ZNF438: variants seen among roughly 807,000 people sequenced by gnomAD.
The protein encoded by ZNF438 is zinc finger protein 438.
In ZNF438, 25 loss-of-function variants were observed where a neutral mutation model predicts 38.0. The ratio of observed to expected loss-of-function variants is 0.66; its 90% confidence interval spans 0.48 to 0.92. ZNF438 has a LOEUF of 0.92. Among genes scored for constraint, ZNF438 ranks in the 40% least tolerant of loss-of-function variants. ZNF438 has a pLI of 0.00. For synonymous variants in ZNF438, 372 were observed against 364.1 expected, an observed-to-expected ratio of 1.02 and a Z score of -0.25; for missense variants, 1,007 against 999.6, an observed-to-expected ratio of 1.01 and a Z score of -0.10.
chr10:30,939,992 T>C (rs751337981), intron 2 of ZNF438, among the ~76,000 whole-genome samples: 1 of 152,184 alleles, frequency 6.6e-6, no homozygotes, highest in African/African-American at 2.4e-5. Context: ...TGGAATACAG[T>C]GCATTTCTTG....
intron 2 of ZNF438, among the ~76,000 whole-genome samples, chr10:30,911,003 T>C (rs1049471146): frequency 6.6e-5 from 10 of 152,086 alleles, no homozygotes; most frequent in Non-Finnish European, 1.3e-4. Flanking sequence ...GAAAAATAAA[T>C]ACATATAATG....
intron 3 of ZNF438, among the ~76,000 whole-genome samples, chr10:30,899,238 A>C (rs188404047): frequency 1.3e-5 from 2 of 152,344 alleles, no homozygotes; most frequent in Admixed American, 1.3e-4. Flanking sequence ...TTTAAAAAAA[A>C]GGAGTTACAA....
chr10:30,970,500 AAGC>A (rs1440966010), intron 1 of ZNF438, among the ~76,000 whole-genome samples: 1 of 152,352 alleles, frequency 6.6e-6, no homozygotes, highest in African/African-American at 2.4e-5. Flanking sequence ...ACAGCTAGTT[AAGC>A]AGCAGAGCTC....
rs140387988 is a variant in ZNF438 at position 30,909,460 on chromosome 10, G to A, written c.-114-445C>T. ...ATAAAACACAGAACTCCTGATTCTC[G>A]ACTGAGATTTTACCTTCTAAAATAT... On this transcript the variant is annotated intron_variant, in intron 2 of 5. Transcript: ENST00000413025. Among the ~76,000 whole-genome samples the A allele has an allele frequency of 9.3e-3, 1,408 of 152,162 alleles. 22 individuals carry two copies. The highest frequency in any genetic ancestry group is 0.033 in the African/African-American group (1,355 of 41,522).
intron 4 of ZNF438, among the ~76,000 whole-genome samples, chr10:30,865,371 C>T (rs894685845): frequency 1.3e-5 from 2 of 152,168 alleles, no homozygotes; most frequent in Non-Finnish European, 2.9e-5. Context: ...CAGAATCTGA[C>T]TTTTCTGAAG....
chr10:30,893,137 C>T (rs2040903022), intron 3 of ZNF438, among the ~76,000 whole-genome samples: 1 of 152,192 alleles, frequency 6.6e-6, no homozygotes, highest in Non-Finnish European at 1.5e-5. Context: ...CATGAAAGTG[C>T]CTCAAAACCA....
intron 4 of ZNF438, among the ~76,000 whole-genome samples, chr10:30,855,217 G>C (rs1227308610): frequency 6.6e-6 from 1 of 152,240 alleles, no homozygotes; most frequent in Non-Finnish European, 1.5e-5. Flanking sequence ...ACACTCCTGA[G>C]CTCTGTCCTG....
chr10:31,003,503 G>T (rs1267427415), intron 1 of ZNF438, among the ~76,000 whole-genome samples: 1 of 152,086 alleles, frequency 6.6e-6, no homozygotes, highest in Non-Finnish European at 1.5e-5. Context: ...TTCTCATTCT[G>T]ACCCACCAAA....
chr10:30,875,936 T>TG (rs1384169191), intron 4 of ZNF438, among the ~76,000 whole-genome samples: 2 of 152,244 alleles, frequency 1.3e-5, no homozygotes, highest in Non-Finnish European at 2.9e-5. Flanking sequence ...ATCATATAAG[T>TG]GCCTACTATG....
upstream of ZNF438, among the ~76,000 whole-genome samples, chr10:31,032,136 A>G (rs2057335484): frequency 6.6e-6 from 1 of 152,224 alleles, no homozygotes; most frequent in African/African-American, 2.4e-5. Flanking sequence ...TCGGGGTTAG[A>G]GGAGGAGGAG....
intron 1 of ZNF438, among the ~76,000 whole-genome samples, chr10:30,947,212 C>T (rs2047518753): frequency 6.6e-6 from 1 of 152,182 alleles, no homozygotes; most frequent in Admixed American, 6.5e-5. Flanking sequence ...AGTTGAAGGC[C>T]ACCAAGTGAC....
At chr10:30,954,313 C>G (rs1365733482) in intron 1 of ZNF438, among the ~76,000 whole-genome samples, 2 of 152,006 alleles carry the variant, frequency 1.3e-5, no homozygotes, top group African/African-American at 4.8e-5. Context: ...TTTAAAGAAC[C>G]AGGACTTGAT....
chr10:30,985,992 GATAA>G (rs781274813), intron 1 of ZNF438, among the ~76,000 whole-genome samples: 3 of 152,032 alleles, frequency 2.0e-5, no homozygotes, highest in Non-Finnish European at 2.9e-5. Flanking sequence ...TCTATGTTTA[GATAA>G]ATAAATATTT....
chr10:30,979,291 T>C (rs1270482181), intron 1 of ZNF438, among the ~76,000 whole-genome samples: 1 of 152,240 alleles, frequency 6.6e-6, no homozygotes, highest in East Asian at 1.9e-4. Context: ...TTTCATTCCA[T>C]GCTCATGGAT....
At chr10:30,940,928 T>C (rs1312920412) in intron 2 of ZNF438, among the ~76,000 whole-genome samples, 1 of 152,010 alleles carries the variant, frequency 6.6e-6, no homozygotes, top group Non-Finnish European at 1.5e-5. Context: ...AAACTATATA[T>C]ATATATTAGC....
At chr10:30,902,161 T>A (rs2042086089) in intron 3 of ZNF438, among the ~76,000 whole-genome samples, 2 of 152,166 alleles carry the variant, frequency 1.3e-5, no homozygotes, top group Admixed American at 1.3e-4. Flanking sequence ...ACTGGCAGCC[T>A]GCTTTTATTC....
chr10:31,030,442 G>C (rs999292259), intron 1 of ZNF438, among the ~76,000 whole-genome samples: 2 of 152,150 alleles, frequency 1.3e-5, no homozygotes, highest in Non-Finnish European at 1.5e-5. Context: ...GGACCAATGC[G>C]AATCTCCTAA....
chr10:30,892,606 A>G (rs936034639), intron 3 of ZNF438, among the ~76,000 whole-genome samples: 2 of 151,966 alleles, frequency 1.3e-5, no homozygotes, highest in African/African-American at 4.8e-5. Context: ...TCAAGCACTA[A>G]AAAAAAGAGA....
intron 3 of ZNF438, among the ~76,000 whole-genome samples, chr10:30,895,977 G>A (rs185929007): frequency 3.3e-5 from 5 of 152,230 alleles, no homozygotes; most frequent in African/African-American, 1.2e-4. Flanking sequence ...ATTACCATAT[G>A]GTCTAGCAAT....
Sources: allele counts gnomAD v4.1 joint callset (sites outside exome capture counted in the v4.1 genomes callset), GRCh38; gene constraint gnomAD v4.1.1; transcripts MANE v1.5; gene names NCBI Gene and HGNC (gene_info 2026-07-23, HGNC 2026-07-21).